MLLT3: variants seen among roughly 807,000 people sequenced by gnomAD.
MLLT3 encodes the protein protein AF-9.
In MLLT3, 4 loss-of-function variants were observed where a neutral mutation model predicts 53.2. The observed-to-expected ratio is 0.08, with a 90% CI of 0.04 to 0.17. The LOEUF is 0.17. MLLT3 is among the 10% of genes least tolerant of loss of function. MLLT3 has a pLI of 1.00. For synonymous variants in MLLT3, 283 were observed against 230.6 expected (o/e 1.23, Z -2.06); for missense variants, 569 against 684.0 (o/e 0.83, Z 1.87).
chr9:20,523,848 A>G (rs1273965409), intron 2 of MLLT3, among the ~76,000 whole-genome samples: 1 of 151,896 alleles, frequency 6.6e-6, no homozygotes, highest in African/African-American at 2.4e-5. Context: ...GAGTGTGCCT[A>G]TAGTCCCAGC....
At chr9:20,476,488 G>A (rs1824523970) in intron 2 of MLLT3, among the ~76,000 whole-genome samples, 1 of 152,072 alleles carries the variant, frequency 6.6e-6, no homozygotes, top group Admixed American at 6.6e-5. Context: ...TCAGTCACTT[G>A]TAAAATACTG....
At chr9:20,433,335 TAG>T (rs1563963850) in intron 4 of MLLT3, among the ~76,000 whole-genome samples, 1 of 152,176 alleles carries the variant, frequency 6.6e-6, no homozygotes. Flanking sequence ...TAAATAATGA[TAG>T]TAATAGGTTA....
chr9:20,589,694 C>A (rs1820076820), intron 2 of MLLT3, among the ~76,000 whole-genome samples: 1 of 150,346 alleles, frequency 6.7e-6, no homozygotes, highest in Non-Finnish European at 1.5e-5. Context: ...AGTATCCCAG[C>A]CCATGGTTTT....
chr9:20,557,265 G>T (rs1160766901), intron 2 of MLLT3, among the ~76,000 whole-genome samples: 4 of 152,034 alleles, frequency 2.6e-5, no homozygotes, highest in Admixed American at 6.6e-5. Flanking sequence ...AACATAGTGG[G>T]GTAGTGGGGT....
chr9:20,534,880 C>T (rs1818438353), intron 2 of MLLT3, among the ~76,000 whole-genome samples: 2 of 151,544 alleles, frequency 1.3e-5, no homozygotes, highest in South Asian at 4.2e-4. Flanking sequence ...GGCAAGACTC[C>T]ATCTCAAAAA....
chr9:20,458,459 G>A (rs1035830413), intron 2 of MLLT3, among the ~76,000 whole-genome samples: 3 of 152,138 alleles, frequency 2.0e-5, no homozygotes, highest in African/African-American at 7.2e-5. Flanking sequence ...ACAATCTGAA[G>A]ACTAAACAAG....
chr9:20,391,097 C>G (rs149583175), intron 5 of MLLT3, among the ~76,000 whole-genome samples: 244 of 152,286 alleles, frequency 1.6e-3, no homozygotes, highest in African/African-American at 5.4e-3. Flanking sequence ...GAACAGTTCA[C>G]CTGTTGGCAA....
intron 2 of MLLT3, among the ~76,000 whole-genome samples, chr9:20,598,671 GA>G (rs1411472972): frequency 6.6e-6 from 1 of 152,256 alleles, no homozygotes; most frequent in African/African-American, 2.4e-5. Flanking sequence ...TCAGTAAACT[GA>G]ATCCATCTAA....
At chr9:20,543,679 AGAG>A (rs1269218524) in intron 2 of MLLT3, among the ~76,000 whole-genome samples, 1 of 151,288 alleles carries the variant, frequency 6.6e-6, no homozygotes, top group Non-Finnish European at 1.5e-5. Context: ...GAGAAGGAGA[AGAG>A]GAGGAGGAAG....
At chr9:20,536,048 AT>A (rs945491800) in intron 2 of MLLT3, among the ~76,000 whole-genome samples, 3 of 152,038 alleles carry the variant, frequency 2.0e-5, no homozygotes, top group East Asian at 1.9e-4. Flanking sequence ...TTAAAGGGGG[AT>A]TTTTTTTCTT....
At chr9:20,375,823 T>C (rs1393687499) in intron 5 of MLLT3, among the ~76,000 whole-genome samples, 1 of 151,876 alleles carries the variant, frequency 6.6e-6, no homozygotes, top group Admixed American at 6.6e-5. Flanking sequence ...TTAGCCAGGA[T>C]GGTCTCCATC....
Position 20,620,862 on chromosome 9 carries a change from G to A in MLLT3, c.13-28C>T, listed in dbSNP as rs781561749. 16 of 1,611,248 alleles carry A rather than the reference G, an allele frequency of 9.9e-6. No individual in the cohort carries two copies. The highest frequency in any genetic ancestry group is 1.4e-5 in the Non-Finnish European group (16 of 1,178,410). Reference sequence around the variant, plus strand: ...GCGGGCAGGGGGAGGAGAGACAGCCGTGAATAACAGGAAGGCGAGGTTTCG... The same window carrying A: ...GCGGGCAGGGGGAGGAGAGACAGCCATGAATAACAGGAAGGCGAGGTTTCG... On this transcript the variant is annotated intron_variant, in intron 1 of 10. Transcript: ENST00000380338. The surrounding 1 kb of genome is among the most constrained non-coding windows in gnomAD (Gnocchi z 6.1).
At chr9:20,429,136 G>T (rs1009346967) in intron 4 of MLLT3, among the ~76,000 whole-genome samples, 4 of 152,130 alleles carry the variant, frequency 2.6e-5, no homozygotes, top group Non-Finnish European at 5.9e-5. Context: ...GGCCAAAGTG[G>T]GAAGAGTGCT....
intron 5 of MLLT3, among the ~76,000 whole-genome samples, chr9:20,368,125 T>C (rs1289869111): frequency 6.6e-6 from 1 of 152,238 alleles, no homozygotes; most frequent in Non-Finnish European, 1.5e-5. Context: ...CATTGCTGTT[T>C]GTGGGTCACA....
chr9:20,451,531 A>AT (rs529343659), intron 3 of MLLT3, among the ~76,000 whole-genome samples: 35 of 152,130 alleles, frequency 2.3e-4, no homozygotes, highest in African/African-American at 7.7e-4. Context: ...TTTTTTAAAG[A>AT]TTTTTTTTAA....
intron 5 of MLLT3, among the ~76,000 whole-genome samples, chr9:20,392,619 A>T (rs1380399475): frequency 1.3e-5 from 2 of 152,132 alleles, no homozygotes; most frequent in Non-Finnish European, 2.9e-5. Flanking sequence ...CTCGATGAGA[A>T]TTTTTTTCTT....
chr9:20,529,450 T>C (rs766962457), intron 2 of MLLT3, among the ~76,000 whole-genome samples: 2 of 152,168 alleles, frequency 1.3e-5, no homozygotes, highest in Non-Finnish European at 1.5e-5. Context: ...AATCAGAGTA[T>C]GTTAGCAGAA....
At chr9:20,359,039 C>A (rs1021453839) in intron 8 of MLLT3, among the ~76,000 whole-genome samples, 4 of 145,268 alleles carry the variant, frequency 2.8e-5, no homozygotes, top group African/African-American at 1.0e-4. Context: ...CAGCTACTCG[C>A]GGGGCTGAGG....
chr9:20,548,996 G>A (rs1435644000), intron 2 of MLLT3, among the ~76,000 whole-genome samples: 2 of 151,926 alleles, frequency 1.3e-5, no homozygotes, highest in Non-Finnish European at 2.9e-5. Context: ...AGTATTTTTT[G>A]TAGAGAGGGG....
Sources: allele counts gnomAD v4.1 joint callset (sites outside exome capture counted in the v4.1 genomes callset), GRCh38; gene constraint gnomAD v4.1.1; non-coding constraint Gnocchi (gnomAD v3.1); transcripts MANE v1.5; gene names NCBI Gene and HGNC (gene_info 2026-07-23, HGNC 2026-07-21).